The following SHFL variants were observed in gnomAD, a reference collection of about 807,000 sequenced individuals.
SHFL encodes shiftless antiviral inhibitor of ribosomal frameshifting protein.
A neutral mutation model predicts 34.7 loss-of-function variants in SHFL; 12 were observed. That is an observed-to-expected ratio of 0.35 (90% CI 0.22 to 0.56). SHFL has a LOEUF of 0.56. SHFL is among the 20% of genes least tolerant of loss of function. SHFL has a pLI of 0.88. For synonymous variants in SHFL, 148 were observed against 156.0 expected (o/e 0.95, Z 0.38); for missense variants, 278 against 411.1 (o/e 0.68, Z 2.80).
chr19:10,086,352 C>G lies in SHFL; in HGVS notation c.-76C>G, dbSNP rs562187238. ...CCCCTGCCCTGCGCGGCTGCTGGAC[C>G]GACGGGCGCACCCAGGTAGGGGGGC... On this transcript the variant is annotated 5_prime_UTR_variant, in exon 1 of 8. Coordinates refer to ENST00000253110, the MANE Select transcript of SHFL (RefSeq NM_018381.4). This position sits in a 1 kb window ranked among gnomAD's most constrained non-coding sequence, Gnocchi z 5.2. 5.7e-6 allele frequency: 7 copies of G among 1,237,238 alleles called. No homozygotes were observed. In the African/African-American group the frequency reaches 6.2e-5, roughly 11 times the overall value. 76.6% of individuals were successfully genotyped at this position (1,237,238 alleles called of 1,614,324 possible).
At chr19:10,092,007 C>T in intron 7 of SHFL, 63 bp from the exon 8 acceptor site, 2 of 1,604,442 alleles carry the variant, frequency 1.2e-6, no homozygotes, top group Middle Eastern at 1.7e-4. Context: ...GGCCTAAGTC[C>T]CCTCCTCCCC....
rs1211167074 is a variant in SHFL at position 10,092,617 on chromosome 19, G to C, written c.*315G>C. On this transcript the variant is annotated 3_prime_UTR_variant, in exon 8 of 8. Coordinates refer to ENST00000253110, the MANE Select transcript of SHFL (RefSeq NM_018381.4). Reference sequence around the variant, plus strand: ...CAGCTTCAGGGGCCGAATGAGCATGGCGGCCTTCCTGAGAGAATATGCCCC... The same window carrying C: ...CAGCTTCAGGGGCCGAATGAGCATGCCGGCCTTCCTGAGAGAATATGCCCC... 1 of 1,610,692 alleles carries C rather than the reference G, an allele frequency of 6.2e-7. No individual in the cohort carries two copies. Among genetic ancestry groups the C allele is most frequent in the Non-Finnish European group, 8.5e-7 (1 of 1,177,420 alleles).
intron 4 of SHFL, 87 bp from the exon 5 acceptor site, chr19:10,089,811 G>A (rs867282910): frequency 4.3e-5 from 67 of 1,562,750 alleles, no homozygotes; most frequent in Admixed American, 2.1e-4. Flanking sequence ...AAGAGGACTC[G>A]TCTGTAGGGA....
intron 3 of SHFL, 64 bp from the exon 4 acceptor site, chr19:10,089,593 A>G: frequency 6.4e-7 from 1 of 1,551,394 alleles, no homozygotes. Context: ...GGCCTCCCCC[A>G]GCAAACGGGT....
At chr19:10,092,040 C>T (rs769957555) in intron 7 of SHFL, 30 bp from the exon 8 acceptor site, 2 of 1,613,686 alleles carry the variant, frequency 1.2e-6, no homozygotes, top group Admixed American at 1.7e-5. Context: ...GACCTCCAGC[C>T]CCATGTCTGC....
Position 10,092,886 on chromosome 19 carries a change from A to T in SHFL, c.*584A>T, listed in dbSNP as rs866109968. The T allele has an allele frequency of 2.2e-6, 2 of 923,448 alleles. No homozygotes were observed. Among genetic ancestry groups the T allele is most frequent in the South Asian group, 4.7e-5 (2 of 42,846 alleles). 57.2% of individuals were successfully genotyped at this position (923,448 alleles called of 1,614,324 possible). On this transcript the variant is annotated 3_prime_UTR_variant, in exon 8 of 8. Transcript: ENST00000253110. ...GCATCCCCTGGCCCCTCCCATTCTT[A>T]TTGAATACAAGCCCTGATCTTCCAT...
intron 4 of SHFL, 98 bp from the exon 5 acceptor site, chr19:10,089,800 G>A (rs2088349878): frequency 6.4e-7 from 1 of 1,557,950 alleles, no homozygotes; most frequent in Non-Finnish European, 8.7e-7. Flanking sequence ...ACTGGGGCAG[G>A]AAGAGGACTC....
In SHFL at chr19:10,086,519, G is replaced by A. The variant is rs2088286522; in HGVS notation, c.21+71G>A. 1 of 1,300,072 alleles carries A rather than the reference G, an allele frequency of 7.7e-7. No homozygotes were observed. The highest frequency in any genetic ancestry group is 2.1e-4 in the Middle Eastern group (1 of 4,760). The allele number at this position is 1,300,072 out of a possible 1,614,324, so 80.5% of individuals were successfully genotyped here. On this transcript the variant is annotated intron_variant, in intron 1 of 7. Transcript: ENST00000253110. The surrounding 1 kb of genome is among the most constrained non-coding windows in gnomAD (Gnocchi z 5.2). ...CGAGGAGCGGCCGGGAGGCGCGGAG[G>A]GGGCTTCGCAGTTCCTGGGGACCCC...
rs758436231 is a variant in SHFL at position 10,089,387 on chromosome 19, G to A, written c.196-270G>A. ...GCATTTGCAGGCAGGAAGTGAGTAT[G>A]GGGGTCAGGCTAGCCTCACTCAGGC... On this transcript the variant is annotated intron_variant, in intron 3 of 7. Transcript: ENST00000253110. 5.6e-6 allele frequency: 9 copies of A among 1,598,564 alleles called. No homozygotes were observed. In the Admixed American group the frequency reaches 6.7e-5, roughly 12 times the overall value.
chr19:10,086,559 A>T lies in SHFL; in HGVS notation c.21+111A>T. The T allele has an allele frequency of 9.3e-7, 1 of 1,071,488 alleles. No homozygotes were observed. The highest frequency in any genetic ancestry group is 1.2e-6 in the Non-Finnish European group (1 of 807,622). 66.4% of individuals were successfully genotyped at this position (1,071,488 alleles called of 1,614,324 possible). The stretch of plus-strand genomic sequence containing the variant: ...CTGGGGACCCCCATCCTAGAACCCC[A>T]GATCCTTACCCCTGCCTGGCGCTCG... On this transcript the variant is annotated intron_variant, in intron 1 of 7. Transcript: ENST00000253110. The surrounding 1 kb of genome is among the most constrained non-coding windows in gnomAD (Gnocchi z 5.2).
chr19:10,091,991 C>A lies in SHFL; in HGVS notation c.644-79C>A. 6.3e-7 allele frequency: 1 copy of A among 1,575,492 alleles called. No homozygotes were observed. Among genetic ancestry groups the A allele is most frequent in the Non-Finnish European group, 8.7e-7 (1 of 1,155,340 alleles). ...GTGGTCTCAGCTCCTCCCTAGAGCC[C>A]CGCGTGGCCTAAGTCCCCTCCTCCC... On this transcript the variant is annotated intron_variant, in intron 7 of 7. Coordinates refer to ENST00000253110, the MANE Select transcript of SHFL (RefSeq NM_018381.4). This position sits in a 1 kb window ranked among gnomAD's most constrained non-coding sequence, Gnocchi z 8.2.
Position 10,091,504 on chromosome 19 carries a change from C to G in SHFL, c.517C>G (p.Pro173Ala). Residue 173 changes from proline (P) to alanine (A), a missense_variant, in exon 7 of 8, where the codon CCC (proline) becomes GCC (alanine). Physicochemically the swap from Pro to Ala is conservative, Grantham distance 27. Coordinates refer to ENST00000253110, the MANE Select transcript of SHFL (RefSeq NM_018381.4). This position sits in a 1 kb window ranked among gnomAD's most constrained non-coding sequence, Gnocchi z 8.2. ...RGWAQMGSPS[P>A]CYGCGFPVYP... Reference sequence around the variant, plus strand: ...CTGGGCACAGATGGGGTCCCCGTCCCCCTGCTACGGGTGCGGCTTCCCCGT... The same window carrying G: ...CTGGGCACAGATGGGGTCCCCGTCCGCCTGCTACGGGTGCGGCTTCCCCGT... 1 of 1,546,304 alleles carries G rather than the reference C, an allele frequency of 6.5e-7. No individual in the cohort carries two copies. Among genetic ancestry groups the G allele is most frequent in the Non-Finnish European group, 8.7e-7 (1 of 1,144,262 alleles).
Position 10,086,382 on chromosome 19 carries a change from G to A in SHFL, c.-46G>A. ...GGCGCACCCAGGTAGGGGGGCGGCT[G>A]AGCCGCGCAGTGCGGACCCTCGCGG... is the stretch of plus-strand genomic sequence containing the variant. On this transcript the variant is annotated 5_prime_UTR_variant, in exon 1 of 8. Coordinates refer to ENST00000253110, the MANE Select transcript of SHFL (RefSeq NM_018381.4). This position sits in a 1 kb window ranked among gnomAD's most constrained non-coding sequence, Gnocchi z 5.2. The A allele has an allele frequency of 1.6e-6, 2 of 1,281,180 alleles. No homozygotes were observed. Among genetic ancestry groups the A allele is most frequent in the Non-Finnish European group, 9.9e-7 (1 of 1,006,852 alleles). The allele number at this position is 1,281,180 out of a possible 1,614,324, so 79.4% of individuals were successfully genotyped here. A position where few individuals can be genotyped will look rare whatever the true frequency, so the allele number is the denominator to read the frequency against.
intron 3 of SHFL, chr19:10,087,527 G>C: frequency 1.7e-6 from 1 of 588,446 alleles, no homozygotes; most frequent in Admixed American, 3.1e-5. Context: ...TTCAATGGGG[G>C]AGAGAGCCAT....
chr19:10,091,927 A>G lies in SHFL; in HGVS notation c.644-143A>G. On this transcript the variant is annotated intron_variant, in intron 7 of 7. Coordinates refer to ENST00000253110, the MANE Select transcript of SHFL (RefSeq NM_018381.4). This position sits in a 1 kb window ranked among gnomAD's most constrained non-coding sequence, Gnocchi z 8.2. ...TGTCCCCAGGTCTCCTGTATCTTCA[A>G]CACCCCTGAATGTCCAGTTGTGCTG... The G allele has an allele frequency of 1.9e-6, 2 of 1,064,406 alleles. No individual in the cohort carries two copies. Among genetic ancestry groups the G allele is most frequent in the Non-Finnish European group, 2.7e-6 (2 of 730,564 alleles). 65.9% of individuals were successfully genotyped at this position (1,064,406 alleles called of 1,614,324 possible).
rs1426788955 is a variant in SHFL, at chr19:10,091,527, C to T, written c.540C>T (p.Pro180=). 8 of 1,549,656 alleles carry T rather than the reference C, an allele frequency of 5.2e-6. No homozygotes were observed. Among genetic ancestry groups the T allele is most frequent in the Middle Eastern group, 3.7e-4 (2 of 5,448 alleles). The change falls in exon 7 of 8, where the codon CCC becomes CCT. Residue 180 remains proline (P), a synonymous_variant. Coordinates refer to ENST00000253110, the MANE Select transcript of SHFL (RefSeq NM_018381.4). The surrounding 1 kb of genome is among the most constrained non-coding windows in gnomAD (Gnocchi z 8.2). ...SPSPCYGCGF[P]VYPTRILPPR... ...CCCCCTGCTACGGGTGCGGCTTCCC[C>T]GTGTATCCAACACGGATCCTCCCCC...
Position 10,087,061 on chromosome 19 carries a change from G to A in SHFL, c.145+9G>A. 2 of 1,609,538 alleles carry A rather than the reference G, an allele frequency of 1.2e-6. No homozygotes were observed. Among genetic ancestry groups the A allele is most frequent in the Non-Finnish European group, 1.7e-6 (2 of 1,177,744 alleles). On this transcript the variant is annotated intron_variant, in intron 2 of 7. Transcript: ENST00000253110. The stretch of plus-strand genomic sequence containing the variant: ...GCGCTCCATCGTGTACGGTGAGGCT[G>A]CAGGGGTCCCGGGCCTGGTGCGGGG...
At position 10,089,708 on chromosome 19, in the gene SHFL, C is replaced by T; in HGVS notation, c.234+13C>T. The T allele has an allele frequency of 6.3e-7, 1 of 1,595,634 alleles. No individual in the cohort carries two copies. On this transcript the variant is annotated intron_variant, in intron 4 of 7. Transcript: ENST00000253110. ...CCGGGACATTCAGGTGAGTTGGTGG[C>T]TAGGGCTTGGGATGGGGGAGTTGGG...
Position 10,091,236 on chromosome 19 carries a change from C to A in SHFL, c.385-14C>A, listed in dbSNP as rs759733899. On this transcript the variant is annotated splice_polypyrimidine_tract_variant and intron_variant, in intron 5 of 7. Coordinates refer to ENST00000253110, the MANE Select transcript of SHFL (RefSeq NM_018381.4). The surrounding 1 kb of genome is among the most constrained non-coding windows in gnomAD (Gnocchi z 8.2). ...TTGGTCCCCTCTCTGTACCTTCCTG[C>A]CCACCACCACCAGGTATCCCGGTGC... 3 of 1,610,390 alleles carry A rather than the reference C, an allele frequency of 1.9e-6. No individual in the cohort carries two copies. The highest frequency in any genetic ancestry group is 2.7e-5 in the African/African-American group (2 of 74,860).
Sources: allele counts gnomAD v4.1 joint callset, GRCh38; gene constraint gnomAD v4.1.1; non-coding constraint Gnocchi (gnomAD v3.1); transcripts MANE v1.5; gene names NCBI Gene and HGNC (gene_info 2026-07-23, HGNC 2026-07-21).